Variants in VSIR observed in about 807,000 individuals in gnomAD.
The protein encoded by VSIR is V-type immunoglobulin domain-containing suppressor of T-cell activation.
VSIR carries 10 observed loss-of-function variants against 31.0 expected under a neutral mutation model. The ratio of observed to expected loss-of-function variants is 0.32; its 90% CI spans 0.20 to 0.55. The LOEUF (loss-of-function observed/expected upper bound fraction) is 0.55, where lower values mean the gene tolerates loss of function less well. Ranked by LOEUF, VSIR falls within the 20% of genes least tolerant of loss-of-function variation. The probability of loss-of-function intolerance (pLI) is 0.93; values close to 1 mark genes in which losing one functional copy is unlikely to be tolerated. For missense variants in VSIR, 356 were observed against 416.2 expected (o/e 0.86, Z 1.26); for synonymous variants, 179 against 180.1 (o/e 0.99, Z 0.05).
intron 2 of VSIR, 131 bp downstream of exon 2, chr10:71,761,465 CCA>C (rs2132889244): frequency 9.0e-7 from 1 of 1,107,524 alleles, no homozygotes; most frequent in African/African-American, 1.6e-5. Context: ...CCCATCTCAC[CCA>C]CACACTCCCT....
intron 5 of VSIR, 136 bp downstream of exon 5, chr10:71,752,839 G>A: frequency 9.4e-7 from 1 of 1,063,004 alleles, no homozygotes; most frequent in Admixed American, 2.8e-5. Context: ...AGATGTGCAG[G>A]CTTCAGCAGC....
chr10:71,762,051 T>C (rs1265976434), intron 1 of VSIR, 25 bp from the exon 2 acceptor site: 1 of 1,568,100 alleles, frequency 6.4e-7, no homozygotes, highest in Non-Finnish European at 8.7e-7. Context: ...GAGAGCCCTG[T>C]CACCTGACTG....
chr10:71,762,267 G>C (rs1273259311), intron 1 of VSIR, among the ~76,000 whole-genome samples: 1 of 152,244 alleles, frequency 6.6e-6, no homozygotes, highest in Non-Finnish European at 1.5e-5. Flanking sequence ...GACAGGGCAG[G>C]GAGAGACTTG....
chr10:71,760,205 ATG>A (rs1432190819), intron 3 of VSIR, among the ~76,000 whole-genome samples: 1 of 51,858 alleles, frequency 1.9e-5, no homozygotes, highest in African/African-American at 1.1e-4. Flanking sequence ...ATACATATAT[ATG>A]TGTGTATATA....
At chr10:71,754,678 T>G (rs1387432368) in intron 4 of VSIR, among the ~76,000 whole-genome samples, 1 of 152,218 alleles carries the variant, frequency 6.6e-6, no homozygotes, top group Non-Finnish European at 1.5e-5. Context: ...TTAACCCCTC[T>G]GTGCCTCCGT....
intron 2 of VSIR, 49 bp downstream of exon 2, chr10:71,761,549 C>G: frequency 3.3e-6 from 5 of 1,496,222 alleles, no homozygotes; most frequent in Non-Finnish European, 3.6e-6. Context: ...CACCATCAGA[C>G]AGGCAGCCCT....
intron 1 of VSIR, among the ~76,000 whole-genome samples, chr10:71,769,528 G>T (rs1318863941): frequency 6.6e-6 from 1 of 152,224 alleles, no homozygotes; most frequent in African/African-American, 2.4e-5. Flanking sequence ...ACACTGCAGA[G>T]ATCACAAAGG....
In VSIR at chr10:71,761,638, C is replaced by T; in HGVS notation, c.471G>A (p.Glu157=). The change falls in exon 2 of 7, where the codon GAG becomes GAA. Residue 157 remains glutamate (E), a synonymous_variant. Transcript: ENST00000394957. ...LVVEIRHHHS[E]HRVHGAMELQ... Reference sequence around the variant, plus strand: ...GCTCCATGGCACCATGGACCCTGTGCTCCGAGTGGTGGTGCCTGATCTCCA... The same window carrying T: ...GCTCCATGGCACCATGGACCCTGTGTTCCGAGTGGTGGTGCCTGATCTCCA... 6.2e-7 allele frequency: 1 copy of T among 1,610,432 alleles called. No homozygotes were observed.
At chr10:71,768,894 A>G (rs974293727) in intron 1 of VSIR, among the ~76,000 whole-genome samples, 23 of 152,214 alleles carry the variant, frequency 1.5e-4, no homozygotes, top group Non-Finnish European at 1.9e-4. Context: ...AGAGATTAGT[A>G]TCTTGCCCAC....
chr10:71,750,619 G>A lies in VSIR; in HGVS notation c.*634C>T, dbSNP rs1839973827. The A allele has an allele frequency of 6.6e-6, 1 of 152,454 alleles. No individual in the cohort carries two copies. The highest frequency in any genetic ancestry group is 1.9e-4 in the East Asian group (1 of 5,208). 9.4% of individuals were successfully genotyped at this position (152,454 alleles called of 1,614,324 possible). ...GTACTTCCCGTTTCGGGACCACCAAGCTCTGGGGACTGGAATGCAGGCAGT... is the reference window on the plus strand; with the variant it reads ...GTACTTCCCGTTTCGGGACCACCAAACTCTGGGGACTGGAATGCAGGCAGT... On this transcript the variant is annotated 3_prime_UTR_variant, in exon 7 of 7. Coordinates refer to ENST00000394957, the MANE Select transcript of VSIR (RefSeq NM_022153.2).
chr10:71,760,968 A>G, intron 2 of VSIR, 44 bp from the exon 3 acceptor site: 1 of 1,596,594 alleles, frequency 6.3e-7, no homozygotes, highest in Non-Finnish European at 8.6e-7. Context: ...TGTCAGGCCC[A>G]GGAGGCCAGG....
rs1360394135 is a variant in VSIR at position 71,751,056 on chromosome 10, G to T, written c.*197C>A. ...AGCACCCCAAAATCCTTGGAACAGGGGCTGAGCCGTCCAGCATCCCCATGT... is the reference window on the plus strand; with the variant it reads ...AGCACCCCAAAATCCTTGGAACAGGTGCTGAGCCGTCCAGCATCCCCATGT... On this transcript the variant is annotated 3_prime_UTR_variant, in exon 7 of 7. Coordinates refer to ENST00000394957, the MANE Select transcript of VSIR (RefSeq NM_022153.2). This position sits in a 1 kb window ranked among gnomAD's most constrained non-coding sequence, Gnocchi z 4.9. The T allele has an allele frequency of 3.2e-6, 2 of 627,590 alleles. No homozygotes were observed. Among genetic ancestry groups the T allele is most frequent in the Middle Eastern group, 4.4e-4 (1 of 2,274 alleles). 38.9% of individuals were successfully genotyped at this position (627,590 alleles called of 1,614,324 possible). A position where few individuals can be genotyped will look rare whatever the true frequency, so the allele number is the denominator to read the frequency against.
At chr10:71,752,917 T>C in intron 5 of VSIR, 58 bp downstream of exon 5, 3 of 1,591,176 alleles carry the variant, frequency 1.9e-6, no homozygotes, top group Non-Finnish European at 2.6e-6. Flanking sequence ...CACAGAAGTA[T>C]CTCTTCCTGG....
intron 5 of VSIR, 171 bp from the exon 6 acceptor site, chr10:71,752,032 T>C: frequency 1.3e-6 from 1 of 784,992 alleles, no homozygotes; most frequent in Non-Finnish European, 2.2e-6. Context: ...GCAAAGGCCA[T>C]GGGCTGCACC....
intron 5 of VSIR, among the ~76,000 whole-genome samples, chr10:71,752,348 A>T (rs1044242982): frequency 4.6e-5 from 7 of 152,206 alleles, no homozygotes; most frequent in African/African-American, 1.4e-4. Context: ...TGCAAGCAGG[A>T]CTTCCTTCAA....
Position 71,760,259 on chromosome 10 carries a change from A to G in VSIR, c.568+609T>C, listed in dbSNP as rs372701617. On this transcript the variant is annotated intron_variant, in intron 3 of 6. Coordinates refer to ENST00000394957, the MANE Select transcript of VSIR (RefSeq NM_022153.2). ...TATACATATATATGTATGTATATAT[A>G]TGTATATACATATATATGTATGTAT... Among the ~76,000 whole-genome samples, 45 of 62,668 alleles carry G rather than the reference A, an allele frequency of 7.2e-4. 3 individuals carry two copies. Among genetic ancestry groups the G allele is most frequent in the African/African-American group, 1.3e-3 (29 of 21,686 alleles). The allele number at this position is 62,668 out of a possible 152,430, so 41.1% of individuals were successfully genotyped here.
At position 71,771,734 on chromosome 10, in the gene VSIR, T is replaced by C. The variant is rs1840690428; in HGVS notation, c.82+1624A>G. On this transcript the variant is annotated intron_variant, in intron 1 of 6. Transcript: ENST00000394957. Reference sequence around the variant, plus strand: ...CCATGTTGTTTGAGTAGCCAAGACCTCTGGGAGTAAAGGCCCCTGGCCATA... The same window carrying C: ...CCATGTTGTTTGAGTAGCCAAGACCCCTGGGAGTAAAGGCCCCTGGCCATA... Among the ~76,000 whole-genome samples the C allele has an allele frequency of 1.3e-5, 2 of 152,182 alleles. 1 individual carries two copies. Among genetic ancestry groups the C allele is most frequent in the South Asian group, 4.1e-4 (2 of 4,836 alleles).
In VSIR at chr10:71,761,861, C is replaced by T. The variant is rs1458903739; in HGVS notation, c.248G>A (p.Cys83Tyr). 1 of 1,614,136 alleles carries T rather than the reference C, an allele frequency of 6.2e-7. No homozygotes were observed. The highest frequency in any genetic ancestry group is 8.5e-7 in the Non-Finnish European group (1 of 1,180,030). The change falls in exon 2 of 7, where the codon TGC becomes TAC. Residue 83 changes from cysteine (C) to tyrosine (Y), a missense_variant. Physicochemically the swap from Cys to Tyr is radical, Grantham distance 194. This residue lies in a region of VSIR where 166 missense variants were observed against 231.0 expected (regional missense o/e 0.72). Coordinates refer to ENST00000394957, the MANE Select transcript of VSIR (RefSeq NM_022153.2). ...GTTGCGGATGGGCCGGCGCTCTGAG[C>T]AGGTCTGCACCTCGCCCCTCGAGCT... Reference protein sequence around the residue: ...YRSSRGEVQTCSERRPIRNLT... With the variant: ...YRSSRGEVQTYSERRPIRNLT...
chr10:71,764,666 G>A (rs1197239660), intron 1 of VSIR, among the ~76,000 whole-genome samples: 2 of 152,132 alleles, frequency 1.3e-5, no homozygotes, highest in African/African-American at 4.8e-5. Context: ...GAGTCCGTCC[G>A]TACTACTCCC....
Sources: gnomAD v4.1 joint callset for allele counts (sites outside exome capture counted in the v4.1 genomes callset) on GRCh38, gnomAD v4.1.1 for gene constraint, gnomAD v4.1.1 regional missense constraint, Gnocchi (gnomAD v3.1) non-coding constraint, MANE v1.5 for transcripts, NCBI Gene and HGNC (gene_info 2026-07-23, HGNC 2026-07-21) for gene names.